ARID1B: variants seen among roughly 807,000 people sequenced by gnomAD.
The protein encoded by ARID1B is AT-rich interaction domain 1B.
Under a neutral mutation model 212.3 loss-of-function variants are expected in ARID1B, and 30 were observed. The observed-to-expected ratio is 0.14, with a 90% CI of 0.11 to 0.19. The LOEUF is 0.19. Among genes scored for constraint, ARID1B ranks in the 10% least tolerant of loss-of-function variants. The pLI is 1.00. For missense variants in ARID1B, 2,891 were observed against 3,204.0 expected (o/e 0.90, Z 2.36); for synonymous variants, 1,402 against 1,301.7 (o/e 1.08, Z -1.66).
At chr6:157,205,113 G>C (rs968061742) in intron 19 of ARID1B, 1 of 152,176 alleles carries the variant, frequency 6.6e-6, no homozygotes, top group African/African-American at 2.4e-5. Flanking sequence ...AACCAGAATT[G>C]CTTTATTAAC....
At chr6:156,988,398 T>G (rs1778066807) in intron 4 of ARID1B, among the ~76,000 whole-genome samples, 1 of 152,182 alleles carries the variant, frequency 6.6e-6, no homozygotes, top group South Asian at 2.1e-4. Flanking sequence ...CTGCCACTGT[T>G]TTTTGTGCTT....
chr6:156,920,698 C>T (rs554230474), intron 3 of ARID1B, among the ~76,000 whole-genome samples: 2 of 152,214 alleles, frequency 1.3e-5, no homozygotes, highest in Admixed American at 1.3e-4. Context: ...GATTGATTTT[C>T]CCCAAAGTGC....
At chr6:157,039,743 C>CCATT (rs1781686903) in intron 4 of ARID1B, among the ~76,000 whole-genome samples, 1 of 92,022 alleles carries the variant, frequency 1.1e-5, no homozygotes, top group African/African-American at 5.0e-5. Context: ...CTCCCTCCCT[C>CCATT]CCTTCCTTCC....
At chr6:156,869,760 A>G (rs2128141575) in intron 2 of ARID1B, among the ~76,000 whole-genome samples, 1 of 152,356 alleles carries the variant, frequency 6.6e-6, no homozygotes, top group South Asian at 2.1e-4. Flanking sequence ...CAAATTTTAT[A>G]TGCCCATTGA....
chr6:157,125,279 G>A (rs1018053592), intron 6 of ARID1B, among the ~76,000 whole-genome samples: 1 of 152,176 alleles, frequency 6.6e-6, no homozygotes, highest in Non-Finnish European at 1.5e-5. Flanking sequence ...AATAAGCCTC[G>A]GGCCTGGCTG....
intron 8 of ARID1B, among the ~76,000 whole-genome samples, chr6:157,153,786 C>T (rs1246925815): frequency 6.6e-6 from 1 of 152,188 alleles, no homozygotes; most frequent in African/African-American, 2.4e-5. Context: ...CAGGCACGTG[C>T]CACCATACCT....
At chr6:157,037,598 T>TGCC (rs1781414128) in intron 4 of ARID1B, among the ~76,000 whole-genome samples, 1 of 152,188 alleles carries the variant, frequency 6.6e-6, no homozygotes, top group African/African-American at 2.4e-5. Context: ...TAAGTTTCTG[T>TGCC]CTGTGTGGCA....
At chr6:156,792,698 A>G (rs1780091962) in intron 1 of ARID1B, among the ~76,000 whole-genome samples, 1 of 152,170 alleles carries the variant, frequency 6.6e-6, no homozygotes, top group Non-Finnish European at 1.5e-5. Flanking sequence ...GGGCAGTCTG[A>G]AATTTATGAG....
rs374653131 is a variant in ARID1B, at chr6:156,888,567, A to T, written c.1987-12809A>T. On this transcript the variant is annotated intron_variant, in intron 2 of 19. Transcript: ENST00000636930. ...CAGTTACAGTCTGGGCAATAATATA[A>T]CAAGAAAGAGGGAAAATCCAAATTG... Among the ~76,000 whole-genome samples, 52 of 151,742 alleles carry T rather than the reference A, an allele frequency of 3.4e-4. No individual in the cohort carries two copies. In the South Asian group the frequency reaches 9.7e-3, roughly 28 times the overall value.
chr6:157,133,165 A>G lies in ARID1B; in HGVS notation c.2719A>G (p.Ser907Gly), dbSNP rs772107512. 2.5e-6 allele frequency: 4 copies of G among 1,613,970 alleles called. No individual in the cohort carries two copies. The highest frequency in any genetic ancestry group is 3.4e-6 in the Non-Finnish European group (4 of 1,179,948). ...GISSFQQSNS[S>G]GTYGPQMSQY... ...CAGTAGCTTTCAGCAGAGTAACTCA[A>G]GTGGGACTTACGGTCCACAGATGAG... The change falls in exon 7 of 20, where the codon AGT becomes GGT. Residue 907 changes from serine to glycine, a missense_variant. By Grantham distance (56) the Ser-to-Gly change is moderately conservative (BLOSUM62 0). Transcript: ENST00000636930.
chr6:157,085,118 T>C (rs189858437), intron 5 of ARID1B, among the ~76,000 whole-genome samples: 11 of 152,308 alleles, frequency 7.2e-5, no homozygotes, highest in African/African-American at 2.6e-4. Context: ...ACCAATTACT[T>C]TGATAATTTC....
intron 5 of ARID1B, among the ~76,000 whole-genome samples, chr6:157,092,405 G>A (rs762479847): frequency 2.6e-5 from 4 of 152,172 alleles, no homozygotes; most frequent in South Asian, 2.1e-4. Context: ...TATTCTCAGC[G>A]CTGTTTCTAG....
intron 4 of ARID1B, among the ~76,000 whole-genome samples, chr6:157,018,984 T>TA: frequency 6.6e-6 from 1 of 151,972 alleles, no homozygotes; most frequent in South Asian, 2.1e-4. Flanking sequence ...TGAAAAAAAA[T>TA]ACGGTAGGCT....
At chr6:156,790,317 G>T (rs945981522) in intron 1 of ARID1B, among the ~76,000 whole-genome samples, 3 of 152,220 alleles carry the variant, frequency 2.0e-5, no homozygotes, top group Non-Finnish European at 4.4e-5. Flanking sequence ...TTTGTAAATT[G>T]TTAAACATTG....
Position 156,971,475 on chromosome 6 carries a change from A to G in ARID1B, c.2247+35899A>G, listed in dbSNP as rs933723981. On this transcript the variant is annotated intron_variant, in intron 4 of 19. Coordinates refer to ENST00000636930, the MANE Select transcript of ARID1B (RefSeq NM_001374828.1). ...CAGAGAAAATATCCTAACTAGATACATTAGACAACTGTGGATGGGCTTGGG... is the reference window on the plus strand; with the variant it reads ...CAGAGAAAATATCCTAACTAGATACGTTAGACAACTGTGGATGGGCTTGGG... Among the ~76,000 whole-genome samples the G allele has an allele frequency of 2.6e-5, 4 of 152,206 alleles. No homozygotes were observed. The South Asian group carries it at 6.2e-4, about 24-fold the overall frequency.
intron 4 of ARID1B, chr6:156,941,343 A>C (rs948787009): frequency 6.6e-6 from 1 of 152,228 alleles, no homozygotes; most frequent in Non-Finnish European, 1.5e-5. Context: ...GCATCGTTTC[A>C]AAACCAAAGG....
At chr6:157,178,649 C>A (rs1792283190) in intron 11 of ARID1B, among the ~76,000 whole-genome samples, 1 of 152,194 alleles carries the variant, frequency 6.6e-6, no homozygotes, top group Non-Finnish European at 1.5e-5. Context: ...AAGAACTATT[C>A]TCTTAGAAAG....
At chr6:156,999,307 C>G (rs546466884) in intron 4 of ARID1B, among the ~76,000 whole-genome samples, 45 of 152,326 alleles carry the variant, frequency 3.0e-4, no homozygotes, top group African/African-American at 1.0e-3. Flanking sequence ...ACTGTGCATA[C>G]AAGTTATGTG....
chr6:156,880,732 T>A (rs1786989339), intron 2 of ARID1B, among the ~76,000 whole-genome samples: 2 of 103,014 alleles, frequency 1.9e-5, no homozygotes. Flanking sequence ...GGAGCGAGAC[T>A]CTGTCTCAAA....
Sources: allele counts gnomAD v4.1 joint callset (sites outside exome capture counted in the v4.1 genomes callset), GRCh38; gene constraint gnomAD v4.1.1; transcripts MANE v1.5; gene names NCBI Gene and HGNC (gene_info 2026-07-23, HGNC 2026-07-21).